The following EYA4 variants were observed in gnomAD, a reference collection of about 807,000 sequenced individuals.
EYA4 encodes the protein protein phosphatase EYA4.
In EYA4, 31 loss-of-function variants were observed where a neutral mutation model predicts 87.9. The observed-to-expected ratio is 0.35, with a 90% confidence interval of 0.27 to 0.48. The LOEUF (loss-of-function observed/expected upper bound fraction) is 0.48. EYA4 is among the 20% of genes least tolerant of loss of function. The pLI is 0.99. For missense variants in EYA4, 678 were observed against 761.4 expected (o/e 0.89, Z 1.29); for synonymous variants, 263 against 270.6 (o/e 0.97, Z 0.28).
At position 133,497,610 on chromosome 6, in the gene EYA4, C is replaced by T. The variant is rs541395722; in HGVS notation, c.1192-8496C>T. 6.6e-5 allele frequency among the ~76,000 whole-genome samples: 10 copies of T among 152,222 alleles called. 1 individual carries two copies. In the South Asian group the frequency reaches 1.7e-3, roughly 25 times the overall value. On this transcript the variant is annotated intron_variant, in intron 13 of 19. Transcript: ENST00000355286. ...ACTCTAAAATAGGAGCTTGTAAATT[C>T]GACAGGATGTAGACCAGGAATCATC...
intron 2 of EYA4, among the ~76,000 whole-genome samples, chr6:133,286,250 A>C (rs1392885548): frequency 6.6e-6 from 1 of 152,176 alleles, no homozygotes; most frequent in East Asian, 1.9e-4. Flanking sequence ...GGGAGTGTTA[A>C]CCAACTAAGC....
intron 2 of EYA4, among the ~76,000 whole-genome samples, chr6:133,334,137 G>A (rs762018351): frequency 3.8e-4 from 58 of 152,198 alleles, no homozygotes; most frequent in Non-Finnish European, 6.3e-4. Flanking sequence ...CAGTCTTGGG[G>A]AGGATATTTC....
chr6:133,365,700 G>A (rs1784805268), intron 2 of EYA4, among the ~76,000 whole-genome samples: 2 of 152,218 alleles, frequency 1.3e-5, no homozygotes, highest in South Asian at 2.1e-4. Context: ...TAATTTCAGT[G>A]GGCTGTGGGT....
At chr6:133,492,151 T>C (rs1438818357) in intron 13 of EYA4, among the ~76,000 whole-genome samples, 2 of 151,896 alleles carry the variant, frequency 1.3e-5, no homozygotes, top group Non-Finnish European at 2.9e-5. Context: ...AGAAGACACA[T>C]TAAAGAAAGA....
intron 2 of EYA4, among the ~76,000 whole-genome samples, chr6:133,298,261 A>G (rs968098446): frequency 6.6e-6 from 1 of 152,152 alleles, no homozygotes; most frequent in Non-Finnish European, 1.5e-5. Flanking sequence ...TGGCAGAATA[A>G]GATGTCCCAG....
Position 133,531,088 on chromosome 6 carries a change from T to TA in EYA4, c.*2284dup, listed in dbSNP as rs1800982857. ...TTCATATCAAACAAGCAAGGCTTTT[T>TA]ATGCTGCTAAGTCTGTGGGTGCAGA... On this transcript the variant is annotated 3_prime_UTR_variant, in exon 20 of 20. Coordinates refer to ENST00000355286, the MANE Select transcript of EYA4 (RefSeq NM_004100.5). The TA allele has an allele frequency of 4.9e-6, 7 of 1,422,646 alleles. No homozygotes were observed. Among genetic ancestry groups the TA allele is most frequent in the Non-Finnish European group, 6.4e-6 (7 of 1,090,996 alleles). 88.1% of individuals were successfully genotyped at this position (1,422,646 alleles called of 1,614,324 possible). A position where few individuals can be genotyped will look rare whatever the true frequency, so the allele number is the denominator to read the frequency against.
intron 5 of EYA4, among the ~76,000 whole-genome samples, chr6:133,453,990 C>T (rs1314301536): frequency 2.6e-5 from 4 of 152,044 alleles, no homozygotes; most frequent in African/African-American, 7.2e-5. Flanking sequence ...CTTTTGACCT[C>T]CCCAAACTTT....
At chr6:133,490,958 C>T (rs1233534902) in intron 13 of EYA4, among the ~76,000 whole-genome samples, 2 of 152,040 alleles carry the variant, frequency 1.3e-5, no homozygotes, top group Non-Finnish European at 2.9e-5. Flanking sequence ...ACATGTTAGG[C>T]CACAATACAA....
intron 2 of EYA4, among the ~76,000 whole-genome samples, chr6:133,376,776 A>G (rs1785725908): frequency 6.6e-6 from 1 of 151,982 alleles, no homozygotes. Flanking sequence ...TTCTACATAT[A>G]TTTTCCAGAT....
At chr6:133,477,082 C>A (rs1298268496) in intron 11 of EYA4, among the ~76,000 whole-genome samples, 1 of 152,082 alleles carries the variant, frequency 6.6e-6, no homozygotes, top group East Asian at 1.9e-4. Flanking sequence ...TCCCCTTCCC[C>A]TTCTGCCATG....
intron 11 of EYA4, among the ~76,000 whole-genome samples, chr6:133,475,601 A>G (rs561393566): frequency 5.2e-4 from 79 of 152,246 alleles, no homozygotes; most frequent in South Asian, 1.7e-3. Context: ...GTGCTAACTC[A>G]TCTAATGGAA....
intron 1 of EYA4, among the ~76,000 whole-genome samples, chr6:133,273,117 A>AT (rs1207985216): frequency 1.1e-4 from 17 of 148,368 alleles, no homozygotes; most frequent in African/African-American, 3.8e-4. Flanking sequence ...ATATATATAT[A>AT]AAGGGAAGTT....
At chr6:133,379,622 A>C (rs1240088393) in intron 2 of EYA4, among the ~76,000 whole-genome samples, 2 of 152,148 alleles carry the variant, frequency 1.3e-5, no homozygotes, top group Admixed American at 6.6e-5. Flanking sequence ...ATTCTATCTC[A>C]GAAGTGTTTG....
At chr6:133,523,724 C>G (rs987486887) in intron 18 of EYA4, among the ~76,000 whole-genome samples, 1 of 152,100 alleles carries the variant, frequency 6.6e-6, no homozygotes, top group African/African-American at 2.4e-5. Context: ...TAGATGATAT[C>G]TGCTTGTGGA....
At chr6:133,509,882 C>G (rs1798994975) in intron 14 of EYA4, among the ~76,000 whole-genome samples, 1 of 152,150 alleles carries the variant, frequency 6.6e-6, no homozygotes. Context: ...CAAAGTTTCT[C>G]AGAGTGAAAA....
chr6:133,481,347 T>C (rs1796201243), intron 11 of EYA4, 116 bp from the exon 12 acceptor site: 2 of 999,726 alleles, frequency 2.0e-6, no homozygotes, highest in Non-Finnish European at 3.1e-6. Flanking sequence ...TAAATCTCTT[T>C]TTTGCCATCA....
chr6:133,323,355 C>G (rs1051889522), intron 2 of EYA4, among the ~76,000 whole-genome samples: 1 of 152,034 alleles, frequency 6.6e-6, no homozygotes, highest in Non-Finnish European at 1.5e-5. Flanking sequence ...CTCAGAACTG[C>G]AGAGTGTTGC....
chr6:133,495,666 C>T (rs183691479), intron 13 of EYA4, among the ~76,000 whole-genome samples: 1 of 152,190 alleles, frequency 6.6e-6, no homozygotes, highest in African/African-American at 2.4e-5. Context: ...TTAGGAGACA[C>T]TATGCAGTAA....
chr6:133,369,681 T>C (rs1785120472), intron 2 of EYA4, among the ~76,000 whole-genome samples: 2 of 152,170 alleles, frequency 1.3e-5, no homozygotes, highest in African/African-American at 4.8e-5. Flanking sequence ...ATGAATACCA[T>C]CCTTATTGAT....
Sources: gnomAD v4.1 joint callset for allele counts (sites outside exome capture counted in the v4.1 genomes callset) on GRCh38, gnomAD v4.1.1 for gene constraint, MANE v1.5 for transcripts, NCBI Gene and HGNC (gene_info 2026-07-23, HGNC 2026-07-21) for gene names.